The following VPS11 variants were observed in gnomAD, a reference collection of about 807,000 sequenced individuals.
The protein encoded by VPS11 is vacuolar protein sorting-associated protein 11 homolog.
Under a neutral mutation model 106.8 loss-of-function variants are expected in VPS11, and 51 were observed. The ratio of observed to expected loss-of-function variants is 0.48; its 90% CI spans 0.38 to 0.60. The LOEUF is 0.60. Among genes scored for constraint, VPS11 ranks in the 20% least tolerant of loss-of-function variants. The pLI, the probability that VPS11 is intolerant of heterozygous loss-of-function variation, is 0.00. For missense variants in VPS11, 950 were observed against 1,190.0 expected (o/e 0.80, Z 2.97); for synonymous variants, 453 against 458.7 (o/e 0.99, Z 0.16).
Position 119,077,881 on chromosome 11 carries a change from T to C in VPS11, c.1576T>C (p.Tyr526His), listed in dbSNP as rs1396929455. The C allele has an allele frequency of 6.2e-7, 1 of 1,613,918 alleles. No homozygotes were observed. The highest frequency in any genetic ancestry group is 8.5e-7 in the Non-Finnish European group (1 of 1,179,892). Residue 526 changes from tyrosine (Y) to histidine (H), a missense_variant, in exon 10 of 16, where the codon TAT becomes CAT. Coordinates refer to ENST00000621676, the MANE Select transcript of VPS11 (RefSeq NM_021729.6). Reference sequence around the variant, plus strand: ...TCTGCCCTTTACTTTTCCACAGAATTATCAGGAAGCCCTTCGATACATCGG... The same window carrying C: ...TCTGCCCTTTACTTTTCCACAGAATCATCAGGAAGCCCTTCGATACATCGG... ...LKIQLEDIKN[Y>H]QEALRYIGKL... is the part of the protein sequence containing the mutation.
In VPS11 at chr11:119,070,255, C is replaced by T. The variant is rs782670953; in HGVS notation, c.494C>T (p.Thr165Ile). ...ACAGGTTTCACAGATGGCAGTGTTA[C>T]ATTGAACAAAGGAGACATCACCCGG... ...MAIGFTDGSV[T>I]LNKGDITRDR... Residue 165 changes from threonine to isoleucine, a missense_variant, in exon 4 of 16, where the codon ACA (threonine) becomes ATA (isoleucine). This residue lies in a region of VPS11 where 435 missense variants were observed against 630.2 expected (regional missense o/e 0.69). Coordinates refer to ENST00000621676, the MANE Select transcript of VPS11 (RefSeq NM_021729.6). 1 of 1,611,816 alleles carries T rather than the reference C, an allele frequency of 6.2e-7. No homozygotes were observed. Among genetic ancestry groups the T allele is most frequent in the Non-Finnish European group, 8.5e-7 (1 of 1,178,686 alleles).
chr11:119,078,370 T>C (rs934458340), intron 11 of VPS11, 36 bp downstream of exon 11: 1 of 1,600,544 alleles, frequency 6.2e-7, no homozygotes, highest in Non-Finnish European at 8.5e-7. Flanking sequence ...GAAAAGACAG[T>C]TCGTGCCGTC....
In VPS11 at chr11:119,077,534, G is replaced by A. The variant is rs782703974; in HGVS notation, c.1459G>A (p.Glu487Lys). 8.1e-6 allele frequency: 13 copies of A among 1,613,902 alleles called. No homozygotes were observed. Among genetic ancestry groups the A allele is most frequent in the East Asian group, 2.2e-5 (1 of 44,906 alleles). The stretch of plus-strand genomic sequence containing the variant: ...TGAGAGTGAAGTCCACTTTGATGTG[G>A]AGACAGCCATCAAGGTCCTCCGGCA... ...KSESEVHFDV[E>K]TAIKVLRQAG... The change falls in exon 9 of 16, where the codon GAG (glutamate) becomes AAG (lysine). Residue 487 changes from glutamate (E) to lysine (K), a missense_variant. Transcript: ENST00000621676.
At chr11:119,077,314 G>A (rs782328965) in intron 8 of VPS11, among the ~76,000 whole-genome samples, 187 bp from the exon 9 acceptor site, 13 of 152,166 alleles carry the variant, frequency 8.5e-5, no homozygotes, top group Non-Finnish European at 1.8e-4. Flanking sequence ...TGTCCCTAGC[G>A]GTGTCCCTCT....
rs1411450653 is a variant in VPS11 at position 119,081,726 on chromosome 11, T to C, written c.*103T>C. ...GAAGGCTGGCTGACATGCCCAGGGC[T>C]CCACTCTCATCTAATGTCACAGCCC... On this transcript the variant is annotated 3_prime_UTR_variant, in exon 16 of 16. Transcript: ENST00000621676. The C allele has an allele frequency of 1.3e-5, 19 of 1,417,698 alleles. No individual in the cohort carries two copies. Among genetic ancestry groups the C allele is most frequent in the Non-Finnish European group, 1.8e-5 (19 of 1,053,630 alleles). The allele number at this position is 1,417,698 out of a possible 1,614,324, so 87.8% of individuals were successfully genotyped here. A position where few individuals can be genotyped will look rare whatever the true frequency, so the allele number is the denominator to read the frequency against.
rs879003772 is a variant in VPS11 at position 119,078,917 on chromosome 11, G to A, written c.2186G>A (p.Arg729His). 8 of 1,614,026 alleles carry A rather than the reference G, an allele frequency of 5.0e-6. No homozygotes were observed. The highest frequency in any genetic ancestry group is 5.9e-6 in the Non-Finnish European group (7 of 1,179,898). The change falls in exon 13 of 16, where the codon CGC becomes CAC. Residue 729 changes from arginine (R) to histidine (H), a missense_variant. Physicochemically the swap from Arg to His is conservative, Grantham distance 29. Coordinates refer to ENST00000621676, the MANE Select transcript of VPS11 (RefSeq NM_021729.6). ...GAGCAGGCCCTCAGCTACTTCGCTC[G>A]CAAGGAGGAGGACTGCAAGGAGTAT... Reference protein sequence around the residue: ...LWEQALSYFARKEEDCKEYVA... With the variant: ...LWEQALSYFAHKEEDCKEYVA...
At chr11:119,080,975 C>T in intron 14 of VPS11, 117 bp from the exon 15 acceptor site, 1 of 876,528 alleles carries the variant, frequency 1.1e-6, no homozygotes, top group East Asian at 2.4e-5. Context: ...AGGGCAGGGC[C>T]TTCAGGGGCC....
rs142502172 is a variant in VPS11 at position 119,079,578 on chromosome 11, G to C, written c.2438+278G>C. ...CACATCCGTATTGTGGTTGGAAGCC[G>C]TTCTGGTGTTTTTCTTTTTTGAGAC... On this transcript the variant is annotated intron_variant, in intron 14 of 15. Transcript: ENST00000621676. Among the ~76,000 whole-genome samples, 516 of 152,266 alleles carry C rather than the reference G, an allele frequency of 3.4e-3. 2 individuals are homozygous for C. The highest frequency in any genetic ancestry group is 0.012 in the African/African-American group (495 of 41,554).
At chr11:119,076,825 A>G in intron 7 of VPS11, 72 bp from the exon 8 acceptor site, 1 of 1,545,896 alleles carries the variant, frequency 6.5e-7, no homozygotes, top group Non-Finnish European at 8.9e-7. Flanking sequence ...GAAGATCTGC[A>G]AGTGATTCCT....
Position 119,078,974 on chromosome 11 carries a change from A to G in VPS11, c.2243A>G (p.Lys748Arg). 3.1e-6 allele frequency: 5 copies of G among 1,614,082 alleles called. No individual in the cohort carries two copies. The highest frequency in any genetic ancestry group is 4.2e-6 in the Non-Finnish European group (5 of 1,179,900). Residue 748 changes from lysine (K) to arginine (R), a missense_variant, in exon 13 of 16, where the codon AAG becomes AGG. Coordinates refer to ENST00000621676, the MANE Select transcript of VPS11 (RefSeq NM_021729.6). Reference protein sequence around the residue: ...VAAVLKHIENKNLMPPLLVVQ... With the variant: ...VAAVLKHIENRNLMPPLLVVQ... ...GCTGTCCTCAAGCATATCGAGAACA[A>G]GAACCTCATGCCACCTCTTCTAGGT... is the stretch of plus-strand genomic sequence containing the variant.
chr11:119,069,638 C>G (rs1022055349), intron 3 of VPS11, 61 bp downstream of exon 3: 37 of 1,608,470 alleles, frequency 2.3e-5, no homozygotes, highest in Non-Finnish European at 3.0e-5. Context: ...AGAGTTGCTT[C>G]TGCCTCTCAT....
intron 14 of VPS11, among the ~76,000 whole-genome samples, chr11:119,080,870 C>G (rs1945824794): frequency 6.6e-6 from 1 of 152,176 alleles, no homozygotes; most frequent in Non-Finnish European, 1.5e-5. Context: ...GAAACAATCC[C>G]CAGGCTGAGT....
Position 119,070,328 on chromosome 11 carries a change from A to G in VPS11, c.567A>G (p.Val189=). Reference sequence around the variant, plus strand: ...TTTTGCACAAGGGCAACTATCCTGTAACTGGATTGGCCTTTCGCCAAGCAG... The same window carrying G: ...TTTTGCACAAGGGCAACTATCCTGTGACTGGATTGGCCTTTCGCCAAGCAG... ...TQILHKGNYP[V]TGLAFRQAGK... Residue 189 remains valine (V), a synonymous_variant, in exon 4 of 16, where the codon GTA becomes GTG. Transcript: ENST00000621676. The G allele has an allele frequency of 6.2e-7, 1 of 1,613,470 alleles. No homozygotes were observed. The highest frequency in any genetic ancestry group is 8.5e-7 in the Non-Finnish European group (1 of 1,179,652).
intron 5 of VPS11, chr11:119,072,097 C>T (rs1015750857): frequency 6.2e-5 from 24 of 389,710 alleles, no homozygotes; most frequent in African/African-American, 4.9e-4. Context: ...TCCTGAATAG[C>T]TGGGATTACA....
chr11:119,068,033 T>A lies in VPS11; in HGVS notation c.187+23T>A, dbSNP rs2133640427. 12 of 1,579,736 alleles carry A rather than the reference T, an allele frequency of 7.6e-6. No homozygotes were observed. The South Asian group carries it at 1.1e-4, about 15-fold the overall frequency. On this transcript the variant is annotated intron_variant, in intron 1 of 15. Transcript: ENST00000621676. Reference sequence around the variant, plus strand: ...GAGATATCCTTCGTTTGGAGCTGTCTTTTCCCTCCCGGGATCCCGAAGAGA... The same window carrying A: ...GAGATATCCTTCGTTTGGAGCTGTCATTTCCCTCCCGGGATCCCGAAGAGA...
chr11:119,070,145 A>C, intron 3 of VPS11, 89 bp from the exon 4 acceptor site: 1 of 1,345,386 alleles, frequency 7.4e-7, no homozygotes, highest in Non-Finnish European at 1.0e-6. Context: ...AAAGCTTGTC[A>C]CTTCTGAGTG....
chr11:119,075,379 A>AC (rs547358373), intron 7 of VPS11, among the ~76,000 whole-genome samples: 15 of 151,722 alleles, frequency 9.9e-5, no homozygotes, highest in African/African-American at 2.9e-4. Context: ...ACATAGCAAG[A>AC]CCCCATTTCT....
intron 7 of VPS11, among the ~76,000 whole-genome samples, chr11:119,075,071 C>G (rs1305631887): frequency 2.0e-5 from 3 of 151,326 alleles, no homozygotes; most frequent in African/African-American, 7.3e-5. Flanking sequence ...TCGAGACCAT[C>G]CTGGCTAACA....
intron 5 of VPS11, 139 bp downstream of exon 5, chr11:119,071,982 T>G: frequency 1.6e-6 from 2 of 1,267,948 alleles, no homozygotes; most frequent in Non-Finnish European, 2.2e-6. Context: ...TTCTGTTTTT[T>G]TTTTTTGAGA....
Sources: gnomAD v4.1 joint callset for allele counts (sites outside exome capture counted in the v4.1 genomes callset) on GRCh38, gnomAD v4.1.1 for gene constraint, gnomAD v4.1.1 regional missense constraint, MANE v1.5 for transcripts, NCBI Gene and HGNC (gene_info 2026-07-23, HGNC 2026-07-21) for gene names.